Variants in RIMS1 observed in about 807,000 individuals in gnomAD.
RIMS1 encodes the protein regulating synaptic membrane exocytosis protein 1.
RIMS1 carries 83 observed loss-of-function variants against 214.1 expected under a neutral mutation model. The ratio of observed to expected loss-of-function variants is 0.39; its 90% CI spans 0.32 to 0.47. The LOEUF (loss-of-function observed/expected upper bound fraction) is 0.47, where lower values mean the gene tolerates loss of function less well. RIMS1 is among the 20% of genes least tolerant of loss of function. The pLI is 0.99. For synonymous variants in RIMS1, 793 were observed against 786.8 expected (o/e 1.01, Z -0.13); for missense variants, 2,050 against 2,161.8 (o/e 0.95, Z 1.03).
At chr6:72,146,351 T>C (rs923011953) in intron 4 of RIMS1, among the ~76,000 whole-genome samples, 1 of 152,224 alleles carries the variant, frequency 6.6e-6, no homozygotes. Flanking sequence ...TCCTTTTATG[T>C]TACACGAAAA....
chr6:72,291,387 T>A (rs1361083950), intron 25 of RIMS1, among the ~76,000 whole-genome samples: 1 of 152,234 alleles, frequency 6.6e-6, no homozygotes, highest in Non-Finnish European at 1.5e-5. Context: ...AGCACCAGTG[T>A]ATTTCATAAC....
chr6:72,316,773 C>A, intron 28 of RIMS1: 1 of 698,444 alleles, frequency 1.4e-6, no homozygotes, highest in Admixed American at 1.8e-5. Context: ...GTAGGCAGGG[C>A]CAGTTGACGG....
In RIMS1 at chr6:71,937,455, G is replaced by A. The variant is rs141717828; in HGVS notation, c.165-31528G>A. Among the ~76,000 whole-genome samples the A allele has an allele frequency of 2.0e-3, 305 of 152,128 alleles. 2 individuals are homozygous for A. The highest frequency in any genetic ancestry group is 6.6e-3 in the African/African-American group (275 of 41,496). ...TTTTATAGAGACAGGGTTTTGCAAC[G>A]TTTCCCAGGCTGGTTTCAAACTCCT... On this transcript the variant is annotated intron_variant, in intron 1 of 33. Transcript: ENST00000521978.
At chr6:71,962,059 AT>A (rs1219090476) in intron 1 of RIMS1, among the ~76,000 whole-genome samples, 1 of 152,160 alleles carries the variant, frequency 6.6e-6, no homozygotes, top group Non-Finnish European at 1.5e-5. Flanking sequence ...TTAATTGGAC[AT>A]GTTGCCAAAA....
intron 4 of RIMS1, among the ~76,000 whole-genome samples, chr6:72,166,691 C>T (rs1015109309): frequency 6.2e-5 from 9 of 145,364 alleles, no homozygotes; most frequent in Admixed American, 4.2e-4. Flanking sequence ...GCTTAGGCAG[C>T]GTAATGAGAT....
At chr6:72,238,265 C>G (rs2065123760) in intron 9 of RIMS1, among the ~76,000 whole-genome samples, 1 of 151,716 alleles carries the variant, frequency 6.6e-6, no homozygotes. Flanking sequence ...AACAATTTAT[C>G]TTTGAGAAAA....
chr6:72,327,452 A>C (rs1035546298), intron 28 of RIMS1, among the ~76,000 whole-genome samples: 9 of 151,564 alleles, frequency 5.9e-5, no homozygotes, highest in South Asian at 2.1e-4. Flanking sequence ...CCACTTTTTG[A>C]CTTTTGCGAA....
chr6:72,182,216 A>G, intron 5 of RIMS1, 68 bp from the exon 6 acceptor site: 1 of 1,453,962 alleles, frequency 6.9e-7, no homozygotes, highest in East Asian at 2.3e-5. Flanking sequence ...CTGGAATGAG[A>G]AGAAAACATG....
chr6:72,139,270 T>TCA (rs2041795117), intron 4 of RIMS1, among the ~76,000 whole-genome samples: 1 of 152,194 alleles, frequency 6.6e-6, no homozygotes, highest in Non-Finnish European at 1.5e-5. Context: ...ATAATCCCCT[T>TCA]CACACACTGG....
chr6:72,022,027 T>G (rs1025773736), intron 2 of RIMS1, among the ~76,000 whole-genome samples: 3 of 152,146 alleles, frequency 2.0e-5, no homozygotes, highest in African/African-American at 7.2e-5. Context: ...GAATGATAGG[T>G]TATCTTGTTA....
chr6:72,237,948 A>C (rs565315770), intron 9 of RIMS1, 26 bp downstream of exon 9: 4 of 1,514,784 alleles, frequency 2.6e-6, no homozygotes, highest in Non-Finnish European at 3.6e-6. Context: ...TTAATATTTA[A>C]ACAGTGTGTT....
intron 2 of RIMS1, 65 bp downstream of exon 2, chr6:71,969,128 T>C (rs1158495429): frequency 6.8e-7 from 1 of 1,461,646 alleles, no homozygotes; most frequent in Non-Finnish European, 9.6e-7. Flanking sequence ...GGTTACAGAT[T>C]TATTCACATT....
At chr6:72,111,653 G>A (rs140539093) in intron 4 of RIMS1, among the ~76,000 whole-genome samples, 59 of 152,192 alleles carry the variant, frequency 3.9e-4, no homozygotes, top group African/African-American at 1.3e-3. Flanking sequence ...AAAGAGGAGA[G>A]TTTTACTTTT....
chr6:72,057,245 T>C (rs1826436192), intron 2 of RIMS1, among the ~76,000 whole-genome samples: 1 of 152,186 alleles, frequency 6.6e-6, no homozygotes. Context: ...TGAGATAACA[T>C]TGTCTGAATT....
chr6:72,397,043 A>G (rs1488654634), intron 31 of RIMS1, among the ~76,000 whole-genome samples: 2 of 152,080 alleles, frequency 1.3e-5, no homozygotes, highest in African/African-American at 2.4e-5. Context: ...AAAGCTTAAA[A>G]TTTGGAAATT....
chr6:72,384,133 C>G (rs2098545037), intron 29 of RIMS1, among the ~76,000 whole-genome samples: 1 of 152,088 alleles, frequency 6.6e-6, no homozygotes, highest in African/African-American at 2.4e-5. Flanking sequence ...ATACATCTCT[C>G]CAGCCGATAA....
intron 4 of RIMS1, among the ~76,000 whole-genome samples, chr6:72,150,434 G>A (rs2043384188): frequency 6.6e-6 from 1 of 152,070 alleles, no homozygotes; most frequent in Non-Finnish European, 1.5e-5. Context: ...ACCCCTATCT[G>A]TTTAGGATTT....
chr6:72,159,245 G>C (rs1490521399), intron 4 of RIMS1, among the ~76,000 whole-genome samples: 1 of 140,956 alleles, frequency 7.1e-6, no homozygotes, highest in Non-Finnish European at 1.6e-5. Flanking sequence ...TGATGGGGTT[G>C]TTTGTTTTTT....
chr6:72,105,781 G>A, intron 4 of RIMS1, among the ~76,000 whole-genome samples: 1 of 152,070 alleles, frequency 6.6e-6, no homozygotes, highest in Non-Finnish European at 1.5e-5. Context: ...TCCCCTTAGT[G>A]TACAGGATGA....
Sources: allele counts gnomAD v4.1 joint callset (sites outside exome capture counted in the v4.1 genomes callset), GRCh38; gene constraint gnomAD v4.1.1; transcripts MANE v1.5; gene names NCBI Gene and HGNC (gene_info 2026-07-23, HGNC 2026-07-21).